Variants in MORC1 observed in about 807,000 individuals in gnomAD.
The protein encoded by MORC1 is MORC family CW-type zinc finger protein 1.
In MORC1, 59 loss-of-function variants were observed where a neutral mutation model predicts 134.9. The ratio of observed to expected loss-of-function variants is 0.44; its 90% CI spans 0.35 to 0.54. MORC1 has a LOEUF of 0.54. Ranked by LOEUF, MORC1 falls within the 20% of genes least tolerant of loss-of-function variation. MORC1 has a pLI of 0.00. For synonymous variants in MORC1, 395 were observed against 391.7 expected (o/e 1.01, Z -0.10); for missense variants, 947 against 1,134.5 (o/e 0.83, Z 2.37).
chr3:109,040,530 TAAAG>T (rs1028762486), intron 14 of MORC1, among the ~76,000 whole-genome samples: 4 of 141,974 alleles, frequency 2.8e-5, no homozygotes, highest in African/African-American at 5.2e-5. Flanking sequence ...AACAAAGAAA[TAAAG>T]AAAGAAAAAA....
intron 14 of MORC1, among the ~76,000 whole-genome samples, chr3:109,039,776 G>A (rs1012028288): frequency 6.6e-6 from 1 of 152,170 alleles, no homozygotes; most frequent in South Asian, 2.1e-4. Context: ...TATGATCACA[G>A]AAGTATAGAT....
In MORC1 at chr3:109,108,121, G is replaced by A. The variant is rs373376005; in HGVS notation, c.154+2628C>T. On this transcript the variant is annotated intron_variant, in intron 3 of 27. Coordinates refer to ENST00000232603, the MANE Select transcript of MORC1 (RefSeq NM_014429.4). The stretch of plus-strand genomic sequence containing the variant: ...GGAGAATTGCTTGAACCTGGGAAGC[G>A]GAGGTTGCAATGAGCCGAGATGGTG... 5.7e-4 allele frequency among the ~76,000 whole-genome samples: 87 copies of A among 152,186 alleles called. 1 individual carries two copies. In the East Asian group the frequency reaches 0.011, roughly 19 times the overall value.
At chr3:109,021,836 G>C (rs955085013) in intron 17 of MORC1, among the ~76,000 whole-genome samples, 1 of 152,224 alleles carries the variant, frequency 6.6e-6, no homozygotes, top group African/African-American at 2.4e-5. Context: ...TTGAACTCCT[G>C]TTAGACATCT....
At chr3:109,044,721 G>C (rs190477194) in intron 14 of MORC1, among the ~76,000 whole-genome samples, 1 of 152,066 alleles carries the variant, frequency 6.6e-6, no homozygotes, top group East Asian at 1.9e-4. Context: ...GAGGTGAGCA[G>C]CTCATTCAAG....
intron 2 of MORC1, among the ~76,000 whole-genome samples, chr3:109,112,886 G>A (rs898515790): frequency 5.9e-5 from 9 of 152,138 alleles, no homozygotes; most frequent in African/African-American, 1.4e-4. Context: ...TTAGTTTATC[G>A]ATCACATTTC....
At chr3:109,059,987 G>T in intron 11 of MORC1, 117 bp from the exon 12 acceptor site, 1 of 733,902 alleles carries the variant, frequency 1.4e-6, no homozygotes, top group Non-Finnish European at 2.2e-6. Context: ...ATTACCTAAT[G>T]CAATTCTACC....
In MORC1 at chr3:109,106,242, C is replaced by T. The variant is rs557495347; in HGVS notation, c.155-2325G>A. Among the ~76,000 whole-genome samples the T allele has an allele frequency of 2.0e-4, 30 of 152,302 alleles. No individual in the cohort carries two copies. The South Asian group carries it at 5.8e-3, about 29-fold the overall frequency. On this transcript the variant is annotated intron_variant, in intron 3 of 27. Coordinates refer to ENST00000232603, the MANE Select transcript of MORC1 (RefSeq NM_014429.4). ...AGCCTCGGGCAGCTCTGCATGGTAG[C>T]CACAGCTGATTTGCACTTCTTTGTA...
At chr3:109,018,077 T>C (rs749831758) in intron 17 of MORC1, among the ~76,000 whole-genome samples, 17 of 152,162 alleles carry the variant, frequency 1.1e-4, no homozygotes, top group Non-Finnish European at 2.1e-4. Flanking sequence ...TTAGTCCGTC[T>C]GGTGTAGATC....
At chr3:109,073,540 T>C (rs1950363705) in intron 8 of MORC1, among the ~76,000 whole-genome samples, 1 of 152,054 alleles carries the variant, frequency 6.6e-6, no homozygotes, top group African/African-American at 2.4e-5. Flanking sequence ...GAAATACAAC[T>C]CCTCCATTAT....
chr3:108,979,733 C>T, intron 23 of MORC1, 66 bp from the exon 24 acceptor site: 1 of 1,554,650 alleles, frequency 6.4e-7, no homozygotes, highest in Non-Finnish European at 8.8e-7. Context: ...CACTAATATA[C>T]AAAAATGAGT....
At chr3:109,108,921 C>T (rs1951098403) in intron 3 of MORC1, among the ~76,000 whole-genome samples, 1 of 150,448 alleles carries the variant, frequency 6.6e-6, no homozygotes, top group African/African-American at 2.4e-5. Context: ...AAAAAAAGAC[C>T]ACATGTCTAC....
chr3:109,063,245 A>G lies in MORC1; in HGVS notation c.816-14T>C. On this transcript the variant is annotated splice_polypyrimidine_tract_variant and intron_variant, in intron 9 of 27. Transcript: ENST00000232603. The stretch of plus-strand genomic sequence containing the variant: ...TAAAGATACTTTCTGGAAAGAAACA[A>G]AAAGAACATAATCAAGTCAGATTAT... 9 of 1,490,680 alleles carry G rather than the reference A, an allele frequency of 6.0e-6. No homozygotes were observed. Among genetic ancestry groups the G allele is most frequent in the Non-Finnish European group, 6.5e-6 (7 of 1,072,758 alleles). 92.3% of individuals were successfully genotyped at this position (1,490,680 alleles called of 1,614,324 possible).
intron 26 of MORC1, among the ~76,000 whole-genome samples, chr3:108,968,923 G>A (rs1182745121): frequency 6.6e-6 from 1 of 151,526 alleles, no homozygotes. Context: ...CCCTACATCA[G>A]CTTGGCCAAG....
intron 9 of MORC1, among the ~76,000 whole-genome samples, chr3:109,065,803 T>C (rs376121156): frequency 1.1e-3 from 171 of 152,238 alleles, no homozygotes; most frequent in African/African-American, 4.0e-3. Flanking sequence ...TTTTAAAAAG[T>C]GGTACATATA....
chr3:109,070,682 A>C (rs1950297963), intron 8 of MORC1, among the ~76,000 whole-genome samples: 1 of 152,194 alleles, frequency 6.6e-6, no homozygotes, highest in Admixed American at 6.5e-5. Context: ...ATGGGAAAAA[A>C]AAAAATGTGA....
rs148340346 is a variant in MORC1, at chr3:109,012,549, A to G, written c.1705-5458T>C. Reference sequence around the variant, plus strand: ...AATGTTGACTCTTCAAACTCATGACATGGAATCTGTCTTCATTTATGTGTT... The same window carrying G: ...AATGTTGACTCTTCAAACTCATGACGTGGAATCTGTCTTCATTTATGTGTT... On this transcript the variant is annotated intron_variant, in intron 17 of 27. Transcript: ENST00000232603. 1.9e-3 allele frequency among the ~76,000 whole-genome samples: 285 copies of G among 152,272 alleles called. 3 individuals are homozygous for G. Among genetic ancestry groups the G allele is most frequent in the African/African-American group, 6.1e-3 (253 of 41,570 alleles).
At chr3:109,064,379 TA>T (rs1354648101) in intron 9 of MORC1, among the ~76,000 whole-genome samples, 1 of 152,060 alleles carries the variant, frequency 6.6e-6, no homozygotes, top group Non-Finnish European at 1.5e-5. Context: ...TCAAGAGAAA[TA>T]AAAATATGAA....
chr3:109,017,311 G>C (rs1274692048), intron 17 of MORC1, among the ~76,000 whole-genome samples: 1 of 152,162 alleles, frequency 6.6e-6, no homozygotes, highest in Non-Finnish European at 1.5e-5. Context: ...TAAAACACAA[G>C]ATCAGGAGAA....
chr3:109,099,489 C>A, intron 5 of MORC1, 23 bp from the exon 6 acceptor site: 3 of 1,543,776 alleles, frequency 1.9e-6, no homozygotes, highest in Non-Finnish European at 2.7e-6. Context: ...TGAAGAACAT[C>A]ATGTTTTACA....
Sources: gnomAD v4.1 joint callset for allele counts (sites outside exome capture counted in the v4.1 genomes callset) on GRCh38, gnomAD v4.1.1 for gene constraint, MANE v1.5 for transcripts, NCBI Gene and HGNC (gene_info 2026-07-23, HGNC 2026-07-21) for gene names.